Variants in NRXN1 observed in about 807,000 individuals in gnomAD.
NRXN1 encodes the protein neurexin-1.
NRXN1 carries 39 observed loss-of-function variants against 150.9 expected under a neutral mutation model. That is an observed-to-expected ratio of 0.26 (90% CI 0.20 to 0.34). NRXN1 has a LOEUF of 0.34. Ranked by LOEUF, NRXN1 falls within the 10% of genes least tolerant of loss-of-function variation. NRXN1 has a pLI of 1.00. For synonymous variants in NRXN1, 924 were observed against 757.0 expected (o/e 1.22, Z -3.62); for missense variants, 1,815 against 1,949.9 (o/e 0.93, Z 1.30).
intron 5 of NRXN1, among the ~76,000 whole-genome samples, chr2:50,730,547 C>G (rs537097526): frequency 6.6e-6 from 1 of 152,232 alleles, no homozygotes; most frequent in South Asian, 2.1e-4. Context: ...AAAAAGATAA[C>G]CAAAGACTCC....
chr2:50,153,963 G>T (rs2058856014), intron 18 of NRXN1, among the ~76,000 whole-genome samples: 1 of 151,740 alleles, frequency 6.6e-6, no homozygotes, highest in African/African-American at 2.4e-5. Context: ...AGTATGGGGA[G>T]TAGAGAAGAT....
chr2:50,944,958 GT>G, intron 2 of NRXN1, among the ~76,000 whole-genome samples: 1 of 152,274 alleles, frequency 6.6e-6, no homozygotes, highest in East Asian at 1.9e-4. Context: ...TTACTTCAGT[GT>G]TTTCTGCTAA....
rs1182918640 is a variant in NRXN1, at chr2:51,027,865, A to C, written c.409T>G (p.Trp137Gly). ...TLFIDQVEAK[W>G]VEVKSKRRDM... ...CTGCGCTTGGACTTGACCTCCACCC[A>C]CTTGGCCTCCACCTGGTCGATGAAG... The change falls in exon 2 of 23, where the codon TGG becomes GGG. Residue 137 changes from tryptophan to glycine, a missense_variant. Transcript: ENST00000401669. The C allele has an allele frequency of 6.2e-7, 1 of 1,612,706 alleles. No homozygotes were observed. The highest frequency in any genetic ancestry group is 8.5e-7 in the Non-Finnish European group (1 of 1,179,682).
chr2:50,525,512 T>C (rs1000982397), intron 12 of NRXN1, among the ~76,000 whole-genome samples: 1 of 152,198 alleles, frequency 6.6e-6, no homozygotes, highest in Admixed American at 6.5e-5. Context: ...GTGCTCACCT[T>C]GCAGCCCATG....
chr2:50,160,904 C>G (rs2059326148), intron 18 of NRXN1, among the ~76,000 whole-genome samples: 1 of 151,764 alleles, frequency 6.6e-6, no homozygotes, highest in African/African-American at 2.4e-5. Flanking sequence ...TTTTTAGAAA[C>G]CTTTACAAGG....
chr2:50,673,080 G>T (rs1214186134), intron 5 of NRXN1, among the ~76,000 whole-genome samples: 1 of 152,130 alleles, frequency 6.6e-6, no homozygotes. Context: ...TGTGATATTT[G>T]AAAGGAGTGG....
chr2:50,587,739 A>G (rs1366551806), intron 8 of NRXN1, among the ~76,000 whole-genome samples: 1 of 152,208 alleles, frequency 6.6e-6, no homozygotes, highest in African/African-American at 2.4e-5. Context: ...TATTAATTAA[A>G]TGATAAGATA....
chr2:50,863,477 CCA>C, intron 5 of NRXN1, among the ~76,000 whole-genome samples: 1 of 151,988 alleles, frequency 6.6e-6, no homozygotes, highest in East Asian at 2.0e-4. Context: ...GGGAAACAAA[CCA>C]CAGTTTGATT....
intron 17 of NRXN1, among the ~76,000 whole-genome samples, chr2:50,439,802 G>A (rs1378943718): frequency 5.6e-5 from 8 of 142,792 alleles, no homozygotes; most frequent in African/African-American, 2.1e-4. Context: ...GGGCAACAGA[G>A]TGAGACTCTG....
At chr2:49,965,415 C>G (rs1209390833) in intron 21 of NRXN1, among the ~76,000 whole-genome samples, 2 of 151,812 alleles carry the variant, frequency 1.3e-5, no homozygotes, top group Non-Finnish European at 2.9e-5. Context: ...TACAGGTGCC[C>G]ACCACCACGC....
intron 5 of NRXN1, among the ~76,000 whole-genome samples, chr2:50,892,457 T>A (rs1371632014): frequency 6.6e-6 from 1 of 152,112 alleles, no homozygotes; most frequent in African/African-American, 2.4e-5. Context: ...ATAATATGTT[T>A]TTCCATTCAA....
intron 5 of NRXN1, among the ~76,000 whole-genome samples, chr2:50,738,348 G>A (rs1008488988): frequency 2.6e-5 from 4 of 152,150 alleles, no homozygotes; most frequent in South Asian, 2.1e-4. Flanking sequence ...AGTTGTGTAT[G>A]TATTCCAAAT....
chr2:50,962,841 T>C (rs961745081), intron 2 of NRXN1, among the ~76,000 whole-genome samples: 1 of 151,576 alleles, frequency 6.6e-6, no homozygotes, highest in African/African-American at 2.4e-5. Context: ...CTTCCTAAGA[T>C]TTCATTCATT....
At chr2:50,977,657 T>C (rs1333096569) in intron 2 of NRXN1, among the ~76,000 whole-genome samples, 1 of 151,942 alleles carries the variant, frequency 6.6e-6, no homozygotes, top group Non-Finnish European at 1.5e-5. Context: ...TACCCTCTAC[T>C]GACCTATTTT....
chr2:50,339,974 A>C (rs887978681), intron 17 of NRXN1, among the ~76,000 whole-genome samples: 12 of 152,320 alleles, frequency 7.9e-5, no homozygotes, highest in Non-Finnish European at 1.6e-4. Flanking sequence ...CAGGTCTTCT[A>C]ATTTAAATCC....
chr2:50,169,585 C>T (rs2059900193), intron 18 of NRXN1, among the ~76,000 whole-genome samples: 1 of 151,524 alleles, frequency 6.6e-6, no homozygotes, highest in African/African-American at 2.4e-5. Flanking sequence ...TGGTAGTGGG[C>T]ACCTGTAATC....
At chr2:50,507,331 G>C (rs1307162030) in intron 12 of NRXN1, among the ~76,000 whole-genome samples, 2 of 151,432 alleles carry the variant, frequency 1.3e-5, no homozygotes, top group African/African-American at 4.9e-5. Context: ...GCAGGTGTAG[G>C]TATAAGTATT....
intron 5 of NRXN1, among the ~76,000 whole-genome samples, chr2:50,678,144 G>A (rs978606608): frequency 4.6e-5 from 7 of 151,998 alleles, no homozygotes; most frequent in African/African-American, 4.8e-5. Flanking sequence ...TGCCCAATGC[G>A]TCTGATTTTA....
chr2:50,392,431 T>A (rs1421489133), intron 17 of NRXN1, among the ~76,000 whole-genome samples: 1 of 152,136 alleles, frequency 6.6e-6, no homozygotes, highest in Non-Finnish European at 1.5e-5. Context: ...GATGATAGGA[T>A]CATAGAAGAG....
Sources: allele counts gnomAD v4.1 joint callset (sites outside exome capture counted in the v4.1 genomes callset), GRCh38; gene constraint gnomAD v4.1.1; transcripts MANE v1.5; gene names NCBI Gene and HGNC (gene_info 2026-07-23, HGNC 2026-07-21).